PLEKHB2: variants seen among roughly 807,000 people sequenced by gnomAD.
PLEKHB2 encodes pleckstrin homology domain-containing family B member 2.
PLEKHB2 carries 31 observed loss-of-function variants against 36.5 expected under a neutral mutation model. The observed-to-expected ratio is 0.85, with a 90% CI of 0.64 to 1.15. The LOEUF (loss-of-function observed/expected upper bound fraction) is 1.15, where lower values mean the gene tolerates loss of function less well. PLEKHB2 is among the 50% of genes most tolerant of loss of function. The probability of loss-of-function intolerance (pLI) is 0.00; values close to 1 mark genes in which losing one functional copy is unlikely to be tolerated. For missense variants in PLEKHB2, 262 were observed against 295.3 expected (o/e 0.89, Z 0.83); for synonymous variants, 119 against 112.0 (o/e 1.06, Z -0.39).
chr2:131,116,453 CAA>C (rs1695887496), intron 1 of PLEKHB2, among the ~76,000 whole-genome samples: 1 of 152,208 alleles, frequency 6.6e-6, no homozygotes, highest in Non-Finnish European at 1.5e-5. Context: ...TTAGTCGACT[CAA>C]GAGTTCTGCA....
chr2:131,127,623 G>C (rs1697226615), intron 4 of PLEKHB2, among the ~76,000 whole-genome samples: 1 of 152,166 alleles, frequency 6.6e-6, no homozygotes, highest in Non-Finnish European at 1.5e-5. Context: ...TCTTCCCTGA[G>C]GGGAAAACAT....
intron 6 of PLEKHB2, among the ~76,000 whole-genome samples, chr2:131,134,821 C>A (rs1041768234): frequency 6.6e-6 from 1 of 152,098 alleles, no homozygotes; most frequent in Non-Finnish European, 1.5e-5. Context: ...GTAATGACAT[C>A]TTTATTGAAT....
intron 1 of PLEKHB2, among the ~76,000 whole-genome samples, chr2:131,111,824 C>T (rs1695367022): frequency 6.6e-6 from 1 of 151,882 alleles, no homozygotes; most frequent in Non-Finnish European, 1.5e-5. Flanking sequence ...TCTTTTGTAC[C>T]CAGCATTGTC....
At chr2:131,126,117 G>T (rs900158987) in intron 3 of PLEKHB2, among the ~76,000 whole-genome samples, 2 of 152,178 alleles carry the variant, frequency 1.3e-5, no homozygotes, top group Non-Finnish European at 2.9e-5. Flanking sequence ...CCTCGTTCTC[G>T]TGGAGAGGGA....
At chr2:131,108,414 A>T (rs1694949136) in intron 1 of PLEKHB2, among the ~76,000 whole-genome samples, 1 of 152,148 alleles carries the variant, frequency 6.6e-6, no homozygotes, top group South Asian at 2.1e-4. Context: ...TTGCTCCAGG[A>T]TATAAATAGT....
chr2:131,138,928 C>T (rs1163178889), intron 6 of PLEKHB2, among the ~76,000 whole-genome samples: 1 of 152,226 alleles, frequency 6.6e-6, no homozygotes, highest in African/African-American at 2.4e-5. Context: ...CAGCCCCCCA[C>T]TCAGTCTTAT....
chr2:131,142,527 T>C (rs1698895725), intron 7 of PLEKHB2, among the ~76,000 whole-genome samples: 1 of 152,126 alleles, frequency 6.6e-6, no homozygotes. Context: ...TTAATCATTT[T>C]CCTTTTTGTT....
At chr2:131,117,650 G>A (rs1374781988) in intron 1 of PLEKHB2, among the ~76,000 whole-genome samples, 2 of 152,200 alleles carry the variant, frequency 1.3e-5, no homozygotes, top group East Asian at 1.9e-4. Flanking sequence ...TTCACATTAT[G>A]GATGCAGGAA....
chr2:131,132,522 A>ATTT (rs1429784593), intron 5 of PLEKHB2, among the ~76,000 whole-genome samples: 3 of 149,382 alleles, frequency 2.0e-5, no homozygotes, highest in African/African-American at 7.4e-5. Flanking sequence ...TGGCCTTGGA[A>ATTT]CTCCTGGGCT....
At chr2:131,126,050 AG>A in intron 3 of PLEKHB2, 145 bp downstream of exon 3, 1 of 672,334 alleles carries the variant, frequency 1.5e-6, no homozygotes, top group East Asian at 2.7e-5. Flanking sequence ...GTGGGGCCCC[AG>A]GCACTTAGAT....
At chr2:131,115,287 A>G (rs184855448) in intron 1 of PLEKHB2, among the ~76,000 whole-genome samples, 3 of 149,944 alleles carry the variant, frequency 2.0e-5, no homozygotes, top group African/African-American at 7.3e-5. Context: ...GATTATTACA[A>G]TTCAAGGTGA....
At position 131,146,727 on chromosome 2, in the gene PLEKHB2, G is replaced by C; in HGVS notation, c.623G>C (p.Gly208Ala). The change falls in exon 8 of 8, where the codon GGA (glycine) becomes GCA (alanine). Residue 208 changes from glycine to alanine, a missense_variant. Transcript: ENST00000693505. ...DSDLALGMLA[G>A]AATGMALGSL... ...GACCTGGCACTGGGCATGCTGGCAGGAGCAGCCACGGGCATGGCCTTAGGG... is the reference window on the plus strand; with the variant it reads ...GACCTGGCACTGGGCATGCTGGCAGCAGCAGCCACGGGCATGGCCTTAGGG... 6.2e-7 allele frequency: 1 copy of C among 1,613,952 alleles called. No homozygotes were observed. Among genetic ancestry groups the C allele is most frequent in the Non-Finnish European group, 8.5e-7 (1 of 1,179,928 alleles).
chr2:131,140,632 T>C (rs1698692982), intron 7 of PLEKHB2, among the ~76,000 whole-genome samples: 1 of 152,200 alleles, frequency 6.6e-6, no homozygotes, highest in Admixed American at 6.5e-5. Flanking sequence ...CCTTGGAAAG[T>C]TGTCACTACT....
intron 1 of PLEKHB2, among the ~76,000 whole-genome samples, chr2:131,118,094 G>A (rs1214197877): frequency 6.6e-6 from 1 of 152,168 alleles, no homozygotes; most frequent in Non-Finnish European, 1.5e-5. Context: ...GGTGAAGTAA[G>A]TGGCTCAGCA....
chr2:131,124,432 C>T (rs1337784674), intron 2 of PLEKHB2, among the ~76,000 whole-genome samples: 1 of 152,182 alleles, frequency 6.6e-6, no homozygotes, highest in Non-Finnish European at 1.5e-5. Context: ...AAGAGATGAC[C>T]GGAGCTACAA....
chr2:131,145,473 G>A (rs568382070), intron 7 of PLEKHB2, among the ~76,000 whole-genome samples: 4 of 152,192 alleles, frequency 2.6e-5, no homozygotes, highest in African/African-American at 9.6e-5. Flanking sequence ...GGGATTACAG[G>A]CATGCGCCAC....
At chr2:131,140,603 G>A (rs900442262) in intron 7 of PLEKHB2, among the ~76,000 whole-genome samples, 1 of 152,210 alleles carries the variant, frequency 6.6e-6, no homozygotes, top group Admixed American at 6.5e-5. Flanking sequence ...CCTTTCAGCT[G>A]TTCTCCTTCT....
intron 2 of PLEKHB2, among the ~76,000 whole-genome samples, chr2:131,121,979 A>C (rs548875931): frequency 2.2e-4 from 34 of 151,824 alleles, no homozygotes; most frequent in African/African-American, 7.5e-4. Flanking sequence ...GCTCACTGCA[A>C]CCTCCGCCTC....
intron 1 of PLEKHB2, among the ~76,000 whole-genome samples, chr2:131,114,377 G>C (rs1014774888): frequency 6.6e-6 from 1 of 152,170 alleles, no homozygotes; most frequent in Admixed American, 6.5e-5. Context: ...ACCCTCCTCA[G>C]CCTCCCAAAG....
Sources: allele counts gnomAD v4.1 joint callset (sites outside exome capture counted in the v4.1 genomes callset), GRCh38; gene constraint gnomAD v4.1.1; transcripts MANE v1.5; gene names NCBI Gene and HGNC (gene_info 2026-07-23, HGNC 2026-07-21).